MMAA: variants seen among roughly 807,000 people sequenced by gnomAD.
MMAA encodes the protein metabolism of cobalamin associated A.
In MMAA, 41 loss-of-function variants were observed where a neutral mutation model predicts 45.0. The observed-to-expected ratio is 0.91, with a 90% CI of 0.71 to 1.18. The LOEUF (loss-of-function observed/expected upper bound fraction) is 1.18. Among genes scored for constraint, MMAA ranks in the 50% most tolerant of loss-of-function variants. The pLI, the probability that MMAA is intolerant of heterozygous loss-of-function variation, is 0.00. For missense variants in MMAA, 460 were observed against 495.7 expected, an observed-to-expected ratio of 0.93 and a Z score of 0.68; for synonymous variants, 154 against 178.2, an observed-to-expected ratio of 0.86 and a Z score of 1.08.
intron 1 of MMAA, among the ~76,000 whole-genome samples, chr4:145,638,348 G>A (rs1449909226): frequency 6.6e-6 from 1 of 151,592 alleles, no homozygotes; most frequent in Non-Finnish European, 1.5e-5. Context: ...CAGCATGAGC[G>A]AGAGAGTGAG....
intron 1 of MMAA, among the ~76,000 whole-genome samples, chr4:145,637,619 T>G (rs1227814694): frequency 7.9e-5 from 12 of 152,304 alleles, no homozygotes; most frequent in East Asian, 1.9e-4. Flanking sequence ...CAGGTATACC[T>G]TGGAGCAATA....
Position 145,655,605 on chromosome 4 carries a change from G to A in MMAA, c.*171G>A. 1 of 622,644 alleles carries A rather than the reference G, an allele frequency of 1.6e-6. No homozygotes were observed. The highest frequency in any genetic ancestry group is 2.7e-6 in the Non-Finnish European group (1 of 368,422). The allele number at this position is 622,644 out of a possible 1,614,324, so 38.6% of individuals were successfully genotyped here. On this transcript the variant is annotated 3_prime_UTR_variant, in exon 7 of 7. Transcript: ENST00000649156. Reference sequence around the variant, plus strand: ...AGTTAGATATGAATGGCAAAAGTTAGGCAGTATTTATAAGGTACCTGTTTT... The same window carrying A: ...AGTTAGATATGAATGGCAAAAGTTAAGCAGTATTTATAAGGTACCTGTTTT...
rs1054564580 is a variant in MMAA, at chr4:145,657,598, G to A, written c.*2164G>A. 20 of 152,266 alleles carry A rather than the reference G, an allele frequency of 1.3e-4. No individual in the cohort carries two copies. The highest frequency in any genetic ancestry group is 4.8e-4 in the African/African-American group (20 of 41,560). The allele number at this position is 152,266 out of a possible 1,614,324, so 9.4% of individuals were successfully genotyped here. On this transcript the variant is annotated 3_prime_UTR_variant, in exon 7 of 7. Transcript: ENST00000649156. Reference sequence around the variant, plus strand: ...AGATAATAGCTACTTTACAGGGTTGGAAGAATTAATTTAGAAATTGTACAG... The same window carrying A: ...AGATAATAGCTACTTTACAGGGTTGAAAGAATTAATTTAGAAATTGTACAG...
chr4:145,632,672 T>C (rs1288136180), intron 1 of MMAA, among the ~76,000 whole-genome samples: 2 of 152,190 alleles, frequency 1.3e-5, no homozygotes, highest in Admixed American at 1.3e-4. Flanking sequence ...TTCTAAATCC[T>C]GGAGGCATGC....
At chr4:145,643,628 T>G (rs1021161791) in intron 3 of MMAA, among the ~76,000 whole-genome samples, 2 of 152,100 alleles carry the variant, frequency 1.3e-5, no homozygotes, top group Non-Finnish European at 2.9e-5. Flanking sequence ...ATAAAAAAAG[T>G]TAACTGTAAA....
chr4:145,648,580 A>G (rs923020886), intron 4 of MMAA, among the ~76,000 whole-genome samples: 3 of 152,256 alleles, frequency 2.0e-5, no homozygotes, highest in African/African-American at 7.2e-5. Context: ...AGGAGAATCA[A>G]AGGAGAAGAG....
rs920205481 is a variant in MMAA, at chr4:145,656,899, A to G, written c.*1465A>G. The G allele has an allele frequency of 4.6e-5, 7 of 152,216 alleles. No individual in the cohort carries two copies. Among genetic ancestry groups the G allele is most frequent in the African/African-American group, 1.4e-4 (6 of 41,460 alleles). The allele number at this position is 152,216 out of a possible 1,614,324, so 9.4% of individuals were successfully genotyped here. A position where few individuals can be genotyped will look rare whatever the true frequency, so the allele number is the denominator to read the frequency against. On this transcript the variant is annotated 3_prime_UTR_variant, in exon 7 of 7. Transcript: ENST00000649156. Reference sequence around the variant, plus strand: ...GAAAGATTTTTAGTACTCCATTGGCATAGCTATTTCATACAAGGATTAGGA... The same window carrying G: ...GAAAGATTTTTAGTACTCCATTGGCGTAGCTATTTCATACAAGGATTAGGA...
rs199749473 is a variant in MMAA, at chr4:145,655,180, A to T, written c.1003A>T (p.Ile335Phe). The change falls in exon 7 of 7, where the codon ATC (isoleucine) becomes TTC (phenylalanine). Residue 335 changes from isoleucine (I) to phenylalanine (F), a missense_variant. Physicochemically the swap from Ile to Phe is conservative, Grantham distance 21. Coordinates refer to ENST00000649156, the MANE Select transcript of MMAA (RefSeq NM_172250.3). ...TATTTCTGCCCGAAGTGGAGAGGGG[A>T]TCTCTGAAATGTGGGATAAAATGAA... is the stretch of plus-strand genomic sequence containing the variant. ...IRISARSGEG[I>F]SEMWDKMKDF... is the part of the protein sequence containing the mutation. The T allele has an allele frequency of 9.2e-5, 149 of 1,614,078 alleles. No individual in the cohort carries two copies. The East Asian group carries it at 3.2e-3, about 35-fold the overall frequency.
At chr4:145,642,201 A>C (rs1176773413) in intron 2 of MMAA, 162 bp from the exon 3 acceptor site, 1 of 810,606 alleles carries the variant, frequency 1.2e-6, no homozygotes, top group African/African-American at 1.7e-5. Context: ...GAATTAAAGA[A>C]ACAGATTTTT....
chr4:145,624,833 G>C, intron 1 of MMAA: 1 of 1,609,910 alleles, frequency 6.2e-7, no homozygotes, highest in East Asian at 2.2e-5. Context: ...CCTTACATGG[G>C]TCCTGATGGT....
chr4:145,629,943 G>A (rs535110532), intron 1 of MMAA, among the ~76,000 whole-genome samples: 22 of 152,146 alleles, frequency 1.4e-4, no homozygotes, highest in Admixed American at 4.6e-4. Context: ...GGGACACAGA[G>A]CCACACCATA....
At position 145,639,331 on chromosome 4, in the gene MMAA, A is replaced by C; in HGVS notation, c.192A>C (p.Lys64Asn). ...TGCTGTCAGATGGCTTAAAGAGAAA[A>C]TTATGTGTACAAACAACCTTAAAGG... ...WMLLSDGLKR[K>N]LCVQTTLKDH... The change falls in exon 2 of 7, where the codon AAA becomes AAC. Residue 64 changes from lysine to asparagine, a missense_variant. By Grantham distance (94) the Lys-to-Asn change is moderately conservative. Transcript: ENST00000649156. 3 of 1,614,218 alleles carry C rather than the reference A, an allele frequency of 1.9e-6. No homozygotes were observed. In the South Asian group the frequency reaches 3.3e-5, roughly 18 times the overall value.
intron 1 of MMAA, among the ~76,000 whole-genome samples, chr4:145,631,892 A>G (rs181379828): frequency 8.5e-5 from 13 of 152,290 alleles, no homozygotes; most frequent in Admixed American, 7.8e-4. Flanking sequence ...AACACTGTTT[A>G]TATAAACAAA....
chr4:145,633,190 C>CTTTATCTTTTTTTTTTTTTT, intron 1 of MMAA, among the ~76,000 whole-genome samples: 1 of 106,896 alleles, frequency 9.4e-6, no homozygotes, highest in Non-Finnish European at 1.9e-5. Context: ...TCTTGAATTT[C>CTTTATCTTTTTTTTTTTTTT]TTTTTCTTTT....
chr4:145,635,651 A>T (rs1727590157), intron 1 of MMAA, among the ~76,000 whole-genome samples: 1 of 152,182 alleles, frequency 6.6e-6, no homozygotes, highest in Non-Finnish European at 1.5e-5. Flanking sequence ...GGACTTGTTA[A>T]TTAAGGAGCA....
At chr4:145,621,346 T>C (rs1388140200) in intron 1 of MMAA, among the ~76,000 whole-genome samples, 1 of 152,140 alleles carries the variant, frequency 6.6e-6, no homozygotes, top group African/African-American at 2.4e-5. Flanking sequence ...TAGAGACTTC[T>C]CAAGCACATT....
At chr4:145,626,863 T>C (rs1418504610) in intron 1 of MMAA, among the ~76,000 whole-genome samples, 5 of 152,146 alleles carry the variant, frequency 3.3e-5, no homozygotes, top group Non-Finnish European at 4.4e-5. Flanking sequence ...CTCCAAAGAG[T>C]TGGGGGGAAG....
At chr4:145,633,196 C>CTTTT (rs941603291) in intron 1 of MMAA, among the ~76,000 whole-genome samples, 81 of 88,430 alleles carry the variant, frequency 9.2e-4, no homozygotes, top group African/African-American at 2.3e-3. Flanking sequence ...ATTTCTTTTT[C>CTTTT]TTTTTTTTTT....
At chr4:145,645,899 T>C in intron 3 of MMAA, 87 bp from the exon 4 acceptor site, 1 of 1,260,714 alleles carries the variant, frequency 7.9e-7, no homozygotes, top group Non-Finnish European at 1.1e-6. Flanking sequence ...TAGGGAGAAA[T>C]GGCATAAAGC....
Sources: gnomAD v4.1 joint callset for allele counts (sites outside exome capture counted in the v4.1 genomes callset) on GRCh38, gnomAD v4.1.1 for gene constraint, MANE v1.5 for transcripts, NCBI Gene and HGNC (gene_info 2026-07-23, HGNC 2026-07-21) for gene names.